The following ANO3 variants were observed in gnomAD, a reference collection of about 807,000 sequenced individuals.
The protein encoded by ANO3 is anoctamin 3.
Under a neutral mutation model 144.8 loss-of-function variants are expected in ANO3, and 99 were observed. The observed-to-expected ratio is 0.68, with a 90% CI of 0.58 to 0.81. The LOEUF is 0.81. Among genes scored for constraint, ANO3 ranks in the 30% least tolerant of loss-of-function variants. ANO3 has a pLI of 0.00. For missense variants in ANO3, 905 were observed against 1,202.2 expected (o/e 0.75, Z 3.66); for synonymous variants, 414 against 392.6 (o/e 1.05, Z -0.64).
Position 26,661,406 on chromosome 11 carries a change from G to A in ANO3, c.*962G>A, listed in dbSNP as rs1233349339. On this transcript the variant is annotated 3_prime_UTR_variant, in exon 27 of 27. Coordinates refer to ENST00000256737, the MANE Select transcript of ANO3 (RefSeq NM_031418.4). The stretch of plus-strand genomic sequence containing the variant: ...TTGACAGTACGTAGTATACATTGTG[G>A]TTTATGCAGCTCTGACACCAGTTTT... The A allele has an allele frequency of 6.6e-6, 1 of 152,464 alleles. No homozygotes were observed. The highest frequency in any genetic ancestry group is 6.6e-5 in the Admixed American group (1 of 15,230). 9.4% of individuals were successfully genotyped at this position (152,464 alleles called of 1,614,324 possible).
At chr11:26,410,696 A>G (rs1275939388) in intron 1 of ANO3, among the ~76,000 whole-genome samples, 2 of 152,176 alleles carry the variant, frequency 1.3e-5, no homozygotes, top group East Asian at 3.9e-4. Context: ...GGCAGAACAA[A>G]GACTAGTGTG....
chr11:26,326,425 C>A (rs1854883564), intron 1 of ANO3, among the ~76,000 whole-genome samples: 1 of 152,128 alleles, frequency 6.6e-6, no homozygotes, highest in Admixed American at 6.5e-5. Context: ...ATGGATGTAT[C>A]TATGCACGTA....
intron 14 of ANO3, among the ~76,000 whole-genome samples, chr11:26,596,516 A>G (rs1590608938): frequency 6.6e-6 from 1 of 152,188 alleles, no homozygotes; most frequent in African/African-American, 2.4e-5. Context: ...CGAGAGCTGT[A>G]TGCCTGAATT....
intron 1 of ANO3, among the ~76,000 whole-genome samples, chr11:26,220,728 T>C (rs1294233685): frequency 6.6e-6 from 1 of 152,230 alleles, no homozygotes; most frequent in African/African-American, 2.4e-5. Context: ...TAACACTCAG[T>C]GTCAGTTACA....
intron 2 of ANO3, among the ~76,000 whole-genome samples, chr11:26,442,825 G>A (rs1402977691): frequency 6.6e-6 from 1 of 152,142 alleles, no homozygotes; most frequent in Non-Finnish European, 1.5e-5. Flanking sequence ...GGAGTGCAGT[G>A]GGACGATGTC....
Position 26,197,061 on chromosome 11 carries a change from C to T in ANO3, c.154+7731C>T, listed in dbSNP as rs933716523. On this transcript the variant is annotated intron_variant, in intron 1 of 27. Transcript: ENST00000672621. ...GCATAACAGTGTATATGTGTAAGCA[C>T]ACTGCCTAAACTGGTAATAATATTA... Among the ~76,000 whole-genome samples the T allele has an allele frequency of 9.8e-5, 15 of 152,320 alleles. 1 individual carries two copies. Among genetic ancestry groups the T allele is most frequent in the Middle Eastern group, 3.4e-3 (1 of 294 alleles).
intron 1 of ANO3, among the ~76,000 whole-genome samples, chr11:26,420,706 A>T (rs1222744900): frequency 1.3e-5 from 2 of 151,988 alleles, no homozygotes; most frequent in Non-Finnish European, 2.9e-5. Context: ...AGAATGATAA[A>T]GGTTTCTGGC....
intron 3 of ANO3, among the ~76,000 whole-genome samples, chr11:26,453,642 C>A (rs1384599725): frequency 6.6e-6 from 1 of 152,056 alleles, no homozygotes; most frequent in Admixed American, 6.6e-5. Flanking sequence ...GAGACTTTAA[C>A]ACCCCACTGT....
intron 1 of ANO3, among the ~76,000 whole-genome samples, chr11:26,391,004 C>T (rs1336067475): frequency 6.6e-6 from 1 of 152,086 alleles, no homozygotes; most frequent in Non-Finnish European, 1.5e-5. Flanking sequence ...AGGATAGCCA[C>T]TTAAGAGCAA....
intron 1 of ANO3, among the ~76,000 whole-genome samples, chr11:26,431,610 G>A (rs1329575563): frequency 6.6e-6 from 1 of 152,150 alleles, no homozygotes; most frequent in African/African-American, 2.4e-5. Flanking sequence ...ATGTCCATGT[G>A]TTCTCATTGT....
intron 1 of ANO3, among the ~76,000 whole-genome samples, chr11:26,392,913 T>C (rs576344090): frequency 1.8e-4 from 28 of 152,120 alleles, no homozygotes; most frequent in Non-Finnish European, 3.8e-4. Context: ...ATAATGGTAC[T>C]TGGGTAAATG....
At chr11:26,422,341 A>T (rs1857776778) in intron 1 of ANO3, among the ~76,000 whole-genome samples, 1 of 152,024 alleles carries the variant, frequency 6.6e-6, no homozygotes, top group African/African-American at 2.4e-5. Context: ...CATTGAATTA[A>T]ATGATATCTG....
chr11:26,364,050 A>G (rs565921952), intron 1 of ANO3, among the ~76,000 whole-genome samples: 7 of 152,332 alleles, frequency 4.6e-5, no homozygotes, highest in Admixed American at 1.3e-4. Context: ...GAATAGGTTG[A>G]CTGGCAGAAA....
chr11:26,307,330 G>C (rs1854406410), upstream of ANO3, among the ~76,000 whole-genome samples: 1 of 152,026 alleles, frequency 6.6e-6, no homozygotes, highest in African/African-American at 2.4e-5. Flanking sequence ...CTCCAGCCTG[G>C]GCAACAAGAG....
intron 1 of ANO3, among the ~76,000 whole-genome samples, chr11:26,243,197 G>T (rs1454485259): frequency 6.6e-6 from 1 of 152,048 alleles, no homozygotes. Flanking sequence ...TCAGAAGGTT[G>T]TTGCCAGGCT....
At position 26,379,346 on chromosome 11, in the gene ANO3, T is replaced by C. The variant is rs575867268; in HGVS notation, c.46+47025T>C. Reference sequence around the variant, plus strand: ...GTTTAAACAGTAGTGTGATGTGATCTATTTTCCATTTGTAAATCACTCAAA... The same window carrying C: ...GTTTAAACAGTAGTGTGATGTGATCCATTTTCCATTTGTAAATCACTCAAA... On this transcript the variant is annotated intron_variant, in intron 1 of 26. Transcript: ENST00000256737. Among the ~76,000 whole-genome samples the C allele has an allele frequency of 2.0e-5, 3 of 152,340 alleles. No individual in the cohort carries two copies. The South Asian group carries it at 6.2e-4, about 32-fold the overall frequency.
chr11:26,362,606 A>T (rs149752375), intron 1 of ANO3, among the ~76,000 whole-genome samples: 316 of 152,322 alleles, frequency 2.1e-3, no homozygotes, highest in African/African-American at 7.2e-3. Context: ...CTCCTGGTGT[A>T]TGCCTTAGAT....
intron 1 of ANO3, among the ~76,000 whole-genome samples, chr11:26,195,876 A>G (rs963825330): frequency 1.3e-5 from 2 of 152,198 alleles, no homozygotes; most frequent in African/African-American, 4.8e-5. Context: ...TGAGACACCT[A>G]CTTTGTAGAG....
chr11:26,435,735 A>G (rs1360640709), intron 1 of ANO3, among the ~76,000 whole-genome samples: 1 of 151,952 alleles, frequency 6.6e-6, no homozygotes, highest in Non-Finnish European at 1.5e-5. Flanking sequence ...TTTCAGCTCT[A>G]TTAGATCAGT....
Sources: gnomAD v4.1 joint callset for allele counts (sites outside exome capture counted in the v4.1 genomes callset) on GRCh38, gnomAD v4.1.1 for gene constraint, MANE v1.5 for transcripts, NCBI Gene and HGNC (gene_info 2026-07-23, HGNC 2026-07-21) for gene names.